AKAP6: variants seen among roughly 807,000 people sequenced by gnomAD.
AKAP6 encodes A-kinase anchor protein 6.
AKAP6 carries 58 observed loss-of-function variants against 188.5 expected under a neutral mutation model. That is an observed-to-expected ratio of 0.31 (90% confidence interval 0.25 to 0.38). The LOEUF (loss-of-function observed/expected upper bound fraction) is 0.38, where lower values mean the gene tolerates loss of function less well. AKAP6 is among the 10% of genes least tolerant of loss of function. The probability of loss-of-function intolerance (pLI) is 1.00; values close to 1 mark genes in which losing one functional copy is unlikely to be tolerated. For missense variants in AKAP6, 2,710 were observed against 2,740.0 expected (o/e 0.99, Z 0.24); for synonymous variants, 989 against 998.6 (o/e 0.99, Z 0.18).
intron 4 of AKAP6, among the ~76,000 whole-genome samples, chr14:32,560,982 T>TA (rs1460676893): frequency 2.6e-5 from 4 of 152,338 alleles, no homozygotes; most frequent in African/African-American, 9.6e-5. Context: ...CAGACACTGT[T>TA]ACATTATATT....
chr14:32,384,204 C>G (rs1888457791), intron 1 of AKAP6, among the ~76,000 whole-genome samples: 1 of 152,188 alleles, frequency 6.6e-6, no homozygotes, highest in Non-Finnish European at 1.5e-5. Context: ...AATCTTTGGT[C>G]AGTGTGTTCC....
chr14:32,464,016 C>T (rs115011493), intron 2 of AKAP6, among the ~76,000 whole-genome samples: 3,021 of 152,262 alleles, frequency 0.02, 86 homozygotes, highest in African/African-American at 0.067. Flanking sequence ...AATTCCTGTA[C>T]ACATTCATCC....
intron 4 of AKAP6, 89 bp from the exon 5 acceptor site, chr14:32,577,031 T>C: frequency 6.9e-7 from 1 of 1,456,738 alleles, no homozygotes; most frequent in South Asian, 1.3e-5. Context: ...TGGATAAAAT[T>C]TGGAACTTTT....
At chr14:32,664,172 T>C (rs1025025538) in intron 7 of AKAP6, among the ~76,000 whole-genome samples, 1 of 152,120 alleles carries the variant, frequency 6.6e-6, no homozygotes, top group Non-Finnish European at 1.5e-5. Context: ...AATGTATATT[T>C]GTATTTTTTA....
rs538049372 is a variant in AKAP6 at position 32,449,137 on chromosome 14, G to T, written c.324+15320G>T. The stretch of plus-strand genomic sequence containing the variant: ...CGAATTTCCTTTACCCTCTACAAAG[G>T]CTTTCTATAATTAGAAGTTAGGCAT... On this transcript the variant is annotated intron_variant, in intron 2 of 13. Coordinates refer to ENST00000280979, the MANE Select transcript of AKAP6 (RefSeq NM_004274.5). 1.1e-4 allele frequency among the ~76,000 whole-genome samples: 16 copies of T among 152,182 alleles called. No individual in the cohort carries two copies. The South Asian group carries it at 1.5e-3, about 14-fold the overall frequency.
intron 1 of AKAP6, among the ~76,000 whole-genome samples, chr14:32,331,048 T>G (rs1462323542): frequency 1.3e-5 from 2 of 151,778 alleles, no homozygotes; most frequent in Non-Finnish European, 2.9e-5. Flanking sequence ...CAGGGAAGAG[T>G]GCTAGATGGT....
rs188543318 is a variant in AKAP6 at position 32,404,699 on chromosome 14, T to G, written c.-34-28761T>G. On this transcript the variant is annotated intron_variant, in intron 1 of 13. Transcript: ENST00000280979. ...GTTATGAGGAGTCAGGAGATATATA[T>G]ATATATATATATTAGTCAGAATGTC... is the stretch of plus-strand genomic sequence containing the variant. Among the ~76,000 whole-genome samples, 33 of 117,090 alleles carry G rather than the reference T, an allele frequency of 2.8e-4. 3 individuals are homozygous for G. The highest frequency in any genetic ancestry group is 8.4e-4 in the Admixed American group (10 of 11,836). 76.8% of individuals were successfully genotyped at this position (117,090 alleles called of 152,430 possible). A position where few individuals can be genotyped will look rare whatever the true frequency, so the allele number is the denominator to read the frequency against.
At chr14:32,777,647 G>C (rs552824038) in intron 12 of AKAP6, among the ~76,000 whole-genome samples, 2 of 152,152 alleles carry the variant, frequency 1.3e-5, no homozygotes, top group South Asian at 4.2e-4. Flanking sequence ...GAAGCAGAAA[G>C]AAAAAAAGAC....
intron 1 of AKAP6, among the ~76,000 whole-genome samples, chr14:32,395,074 G>C (rs55982488): frequency 0.018 from 2,115 of 120,358 alleles, 28 homozygotes; most frequent in South Asian, 0.051. Context: ...TGCCCTCCTA[G>C]CCTTTTCCCA....
chr14:32,503,881 A>G (rs932614369), intron 2 of AKAP6, among the ~76,000 whole-genome samples: 2 of 151,490 alleles, frequency 1.3e-5, no homozygotes, highest in Admixed American at 1.3e-4. Flanking sequence ...TTAGAATCCA[A>G]CTCTTTCCCA....
intron 11 of AKAP6, among the ~76,000 whole-genome samples, chr14:32,739,670 G>A (rs1396845167): frequency 6.6e-6 from 1 of 151,892 alleles, no homozygotes; most frequent in Non-Finnish European, 1.5e-5. Flanking sequence ...ATGATCTCTG[G>A]TTCGGTCCAT....
intron 8 of AKAP6, among the ~76,000 whole-genome samples, chr14:32,682,657 C>T (rs1001042942): frequency 1.3e-5 from 2 of 152,170 alleles, no homozygotes; most frequent in African/African-American, 2.4e-5. Flanking sequence ...TCATTGAATT[C>T]ATGGTTCTTA....
intron 1 of AKAP6, among the ~76,000 whole-genome samples, chr14:32,329,912 G>A (rs1452304415): frequency 6.6e-6 from 1 of 152,068 alleles, no homozygotes; most frequent in Non-Finnish European, 1.5e-5. Flanking sequence ...TAACCCTGAT[G>A]TGAAAGGGGA....
intron 12 of AKAP6, 60 bp from the exon 13 acceptor site, chr14:32,821,342 A>G: frequency 6.6e-7 from 1 of 1,508,720 alleles, no homozygotes; most frequent in Non-Finnish European, 8.9e-7. Context: ...TTCAATGGAT[A>G]AAATTTTCAT....
chr14:32,419,893 CA>C (rs1889782917), intron 1 of AKAP6, among the ~76,000 whole-genome samples: 1 of 147,558 alleles, frequency 6.8e-6, no homozygotes. Context: ...AAAACAAAAA[CA>C]AAAACAAAAA....
intron 1 of AKAP6, among the ~76,000 whole-genome samples, chr14:32,354,481 TC>T (rs1333483062): frequency 6.6e-6 from 1 of 152,218 alleles, no homozygotes; most frequent in African/African-American, 2.4e-5. Context: ...TAGCGTGGTG[TC>T]TGGCACAATA....
chr14:32,464,515 T>A (rs1390894080), intron 2 of AKAP6, among the ~76,000 whole-genome samples: 3 of 152,202 alleles, frequency 2.0e-5, no homozygotes, highest in Admixed American at 2.0e-4. Flanking sequence ...TCTCAATAGA[T>A]GCAGAAAAGG....
At chr14:32,695,943 C>T in intron 8 of AKAP6, 47 bp from the exon 9 acceptor site, 2 of 1,571,968 alleles carry the variant, frequency 1.3e-6, no homozygotes, top group Non-Finnish European at 1.7e-6. Flanking sequence ...AAGATTTTAA[C>T]AACTACACTG....
intron 9 of AKAP6, among the ~76,000 whole-genome samples, chr14:32,696,655 G>A (rs952312274): frequency 1.3e-5 from 2 of 152,182 alleles, no homozygotes; most frequent in Admixed American, 6.5e-5. Flanking sequence ...TGAAACTCAT[G>A]TATTGATTGT....
Sources: allele counts gnomAD v4.1 joint callset (sites outside exome capture counted in the v4.1 genomes callset), GRCh38; gene constraint gnomAD v4.1.1; transcripts MANE v1.5; gene names NCBI Gene and HGNC (gene_info 2026-07-23, HGNC 2026-07-21).